The following ENOX1 variants were observed in gnomAD, a reference collection of about 807,000 sequenced individuals.
ENOX1 encodes candidate growth-related and time keeping constitutive hydroquinone (NADH) oxidase.
A neutral mutation model predicts 82.5 loss-of-function variants in ENOX1; 42 were observed. The observed-to-expected ratio is 0.51, with a 90% CI of 0.40 to 0.66. The LOEUF is 0.66. Among genes scored for constraint, ENOX1 ranks in the 30% least tolerant of loss-of-function variants. ENOX1 has a pLI of 0.00. For missense variants in ENOX1, 608 were observed against 811.6 expected, an observed-to-expected ratio of 0.75 and a Z score of 3.05; for synonymous variants, 271 against 282.2, an observed-to-expected ratio of 0.96 and a Z score of 0.40.
intron 5 of ENOX1, among the ~76,000 whole-genome samples, chr13:43,400,082 C>T (rs1262832968): frequency 2.2e-4 from 33 of 152,088 alleles, no homozygotes; most frequent in Non-Finnish European, 8.8e-5. Flanking sequence ...TGTTAAAATC[C>T]AACCTTGGAT....
intron 2 of ENOX1, among the ~76,000 whole-genome samples, chr13:43,519,258 C>T (rs949695313): frequency 1.3e-5 from 2 of 152,138 alleles, no homozygotes; most frequent in East Asian, 3.9e-4. Flanking sequence ...AGTTAAATAA[C>T]ATTATGGAAT....
chr13:43,311,807 T>C (rs2047217370), intron 11 of ENOX1, among the ~76,000 whole-genome samples: 1 of 152,236 alleles, frequency 6.6e-6, no homozygotes, highest in African/African-American at 2.4e-5. Flanking sequence ...TGAATATTTG[T>C]TGTTTTAATT....
chr13:43,514,763 T>C (rs985094607), intron 2 of ENOX1, among the ~76,000 whole-genome samples: 1 of 152,188 alleles, frequency 6.6e-6, no homozygotes, highest in African/African-American at 2.4e-5. Context: ...ATGAATATTC[T>C]ACAAATTAAC....
intron 5 of ENOX1, among the ~76,000 whole-genome samples, chr13:43,372,297 T>C (rs1204886483): frequency 6.6e-6 from 1 of 152,228 alleles, no homozygotes; most frequent in Non-Finnish European, 1.5e-5. Context: ...ATAATGAGGC[T>C]AAGAGGCACA....
At chr13:43,521,764 G>A (rs1327280170) in intron 2 of ENOX1, among the ~76,000 whole-genome samples, 1 of 152,086 alleles carries the variant, frequency 6.6e-6, no homozygotes, top group Non-Finnish European at 1.5e-5. Context: ...TGGACTGGGA[G>A]CTCCCTGAGG....
At chr13:43,215,375 T>TA (rs780006908) in intron 16 of ENOX1, among the ~76,000 whole-genome samples, 2 of 152,234 alleles carry the variant, frequency 1.3e-5, no homozygotes, top group Non-Finnish European at 2.9e-5. Context: ...CATTTTCTGA[T>TA]ACACACCATA....
At chr13:43,609,237 G>GTA (rs2082097998) in intron 2 of ENOX1, among the ~76,000 whole-genome samples, 4 of 152,128 alleles carry the variant, frequency 2.6e-5, no homozygotes, top group Admixed American at 6.5e-5. Context: ...GTATGTATCT[G>GTA]TGAATGAAGC....
intron 12 of ENOX1, among the ~76,000 whole-genome samples, chr13:43,289,790 C>T (rs1454589996): frequency 6.6e-6 from 1 of 152,120 alleles, no homozygotes; most frequent in African/African-American, 2.4e-5. Flanking sequence ...AAACAGACAA[C>T]CTACACAGAG....
intron 1 of ENOX1, among the ~76,000 whole-genome samples, chr13:43,752,001 T>A (rs563058905): frequency 6.6e-6 from 1 of 152,302 alleles, no homozygotes; most frequent in South Asian, 2.1e-4. Context: ...CCACTAACAG[T>A]GTGTGAAAAT....
rs1593947921 is a variant in ENOX1 at position 43,584,072 on chromosome 13, C to A, written c.-219+83407G>T. On this transcript the variant is annotated intron_variant, in intron 2 of 16. Transcript: ENST00000690772. ...TGCCTGCCCTGCTACCTTTCCATAG[C>A]CAGAATCACAGCAGCATGAACTGCA... Among the ~76,000 whole-genome samples the A allele has an allele frequency of 3.9e-5, 6 of 152,282 alleles. No individual in the cohort carries two copies. In the Middle Eastern group the frequency reaches 0.017, roughly 432 times the overall value.
chr13:43,587,072 GAAAA>G (rs10713584), intron 2 of ENOX1, among the ~76,000 whole-genome samples: 1 of 133,176 alleles, frequency 7.5e-6, no homozygotes. Context: ...GACTATCTCA[GAAAA>G]AAAAAAAAAA....
chr13:43,423,416 C>T (rs2055094361), intron 3 of ENOX1, among the ~76,000 whole-genome samples: 1 of 152,202 alleles, frequency 6.6e-6, no homozygotes, highest in Non-Finnish European at 1.5e-5. Flanking sequence ...CTTTTCTAAG[C>T]CCCTGGGATT....
At chr13:43,294,888 T>C (rs2046204862) in intron 12 of ENOX1, among the ~76,000 whole-genome samples, 1 of 152,202 alleles carries the variant, frequency 6.6e-6, no homozygotes. Flanking sequence ...TTGCCTACTG[T>C]TCAATTCCCC....
At chr13:43,375,179 T>C (rs2051531912) in intron 5 of ENOX1, among the ~76,000 whole-genome samples, 1 of 151,962 alleles carries the variant, frequency 6.6e-6, no homozygotes, top group Non-Finnish European at 1.5e-5. Flanking sequence ...GAGAATTCAA[T>C]ATATTCAGTG....
At chr13:43,280,341 C>A (rs183321388) in intron 12 of ENOX1, among the ~76,000 whole-genome samples, 1 of 152,300 alleles carries the variant, frequency 6.6e-6, no homozygotes, top group Non-Finnish European at 1.5e-5. Flanking sequence ...TTGGAGGTAC[C>A]TTTTGCAAGC....
At chr13:43,637,172 G>C (rs2083445572) in intron 2 of ENOX1, among the ~76,000 whole-genome samples, 1 of 152,138 alleles carries the variant, frequency 6.6e-6, no homozygotes, top group African/African-American at 2.4e-5. Context: ...GCTATGAAAA[G>C]CCCAGCGTGT....
chr13:43,325,112 T>A (rs960733047), intron 10 of ENOX1, among the ~76,000 whole-genome samples: 35 of 152,348 alleles, frequency 2.3e-4, no homozygotes, highest in Non-Finnish European at 3.5e-4. Context: ...GACTCTTTTT[T>A]TTTTAATCTT....
intron 8 of ENOX1, among the ~76,000 whole-genome samples, chr13:43,352,049 C>T (rs2049840987): frequency 6.6e-6 from 1 of 152,214 alleles, no homozygotes; most frequent in Non-Finnish European, 1.5e-5. Flanking sequence ...TTGATTTTTA[C>T]TTTCATGGAA....
intron 1 of ENOX1, among the ~76,000 whole-genome samples, chr13:43,750,825 G>C (rs1463432513): frequency 1.3e-5 from 2 of 152,192 alleles, no homozygotes; most frequent in Non-Finnish European, 2.9e-5. Flanking sequence ...AGTAATAACA[G>C]AGAACCTTTA....
Sources: gnomAD v4.1 joint callset for allele counts (sites outside exome capture counted in the v4.1 genomes callset) on GRCh38, gnomAD v4.1.1 for gene constraint, MANE v1.5 for transcripts, NCBI Gene and HGNC (gene_info 2026-07-23, HGNC 2026-07-21) for gene names.